Variants in DLG2 observed in about 807,000 individuals in gnomAD.
DLG2 encodes the protein disks large homolog 2.
In DLG2, 45 loss-of-function variants were observed where a neutral mutation model predicts 132.5. The observed-to-expected ratio is 0.34, with a 90% confidence interval of 0.27 to 0.44. The LOEUF (loss-of-function observed/expected upper bound fraction) is 0.44, where lower values mean the gene tolerates loss of function less well. Among genes scored for constraint, DLG2 ranks in the 20% least tolerant of loss-of-function variants. The pLI is 1.00. For synonymous variants in DLG2, 424 were observed against 419.6 expected (o/e 1.01, Z -0.13); for missense variants, 1,045 against 1,196.9 (o/e 0.87, Z 1.87).
At chr11:85,025,909 C>A (rs1021206349) in intron 6 of DLG2, among the ~76,000 whole-genome samples, 1 of 151,924 alleles carries the variant, frequency 6.6e-6, no homozygotes, top group African/African-American at 2.4e-5. Context: ...TTTAGATACA[C>A]ATGATTATCT....
chr11:84,466,450 C>T (rs923344010), intron 7 of DLG2, among the ~76,000 whole-genome samples: 6 of 151,206 alleles, frequency 4.0e-5, no homozygotes, highest in East Asian at 2.0e-4. Context: ...GCAAGAAAAC[C>T]GCTAAAAGCC....
intron 4 of DLG2, among the ~76,000 whole-genome samples, chr11:85,258,803 G>A (rs569250857): frequency 1.3e-5 from 2 of 152,236 alleles, no homozygotes; most frequent in South Asian, 4.2e-4. Context: ...TGTAGGAGAG[G>A]GGAGGCTCAA....
intron 18 of DLG2, among the ~76,000 whole-genome samples, chr11:83,695,049 T>C (rs899966736): frequency 1.3e-5 from 2 of 152,244 alleles, no homozygotes; most frequent in African/African-American, 4.8e-5. Flanking sequence ...GTAAGGCATT[T>C]TCAAGAGCTG....
chr11:84,741,652 T>C (rs1422788517), intron 6 of DLG2, among the ~76,000 whole-genome samples: 1 of 149,452 alleles, frequency 6.7e-6, no homozygotes, highest in Non-Finnish European at 1.5e-5. Flanking sequence ...CAACACCTCG[T>C]CTAAATGAAT....
chr11:84,827,804 A>T (rs2078532208), intron 6 of DLG2, among the ~76,000 whole-genome samples: 1 of 151,614 alleles, frequency 6.6e-6, no homozygotes, highest in South Asian at 2.1e-4. Context: ...TTCCAACGAC[A>T]TGGATGAAAC....
intron 16 of DLG2, among the ~76,000 whole-genome samples, chr11:83,855,596 C>T (rs116581511): frequency 0.013 from 1,978 of 152,260 alleles, 56 homozygotes; most frequent in African/African-American, 0.044. Flanking sequence ...ATTATTCCAA[C>T]TATCTGATAC....
chr11:83,970,063 A>G (rs2091023857), intron 12 of DLG2, among the ~76,000 whole-genome samples: 1 of 152,206 alleles, frequency 6.6e-6, no homozygotes, highest in African/African-American at 2.4e-5. Flanking sequence ...TGAGAAGTCA[A>G]TAATAATTAA....
chr11:85,100,995 G>A (rs2070759965), intron 6 of DLG2, among the ~76,000 whole-genome samples: 2 of 152,108 alleles, frequency 1.3e-5, no homozygotes, highest in Admixed American at 1.3e-4. Flanking sequence ...CTCCAAAACA[G>A]CTTTAGAAAT....
At chr11:84,661,228 C>A (rs562823987) in intron 6 of DLG2, among the ~76,000 whole-genome samples, 4 of 152,180 alleles carry the variant, frequency 2.6e-5, no homozygotes, top group African/African-American at 9.6e-5. Flanking sequence ...ACTGCATGGT[C>A]TAGAGATGTT....
chr11:84,316,029 G>T (rs1334744107), intron 7 of DLG2, among the ~76,000 whole-genome samples: 2 of 152,016 alleles, frequency 1.3e-5, no homozygotes, highest in East Asian at 1.9e-4. Context: ...TACAGCATTT[G>T]CAGGAAGTTA....
At position 83,600,236 on chromosome 11, in the gene DLG2, G is replaced by GGGGTGTGTGTGT. The variant is rs142616504; in HGVS notation, c.1940+32974_1940+32975insACACACACACCC. The stretch of plus-strand genomic sequence containing the variant: ...GATGAGTTCACACAGCTAGCTATAG[G>GGGGTGTGTGTGT]GTGTGTGTGTGTGTGTGTGTGTGTG... On this transcript the variant is annotated intron_variant, in intron 19 of 27. Coordinates refer to ENST00000376104, the MANE Select transcript of DLG2 (RefSeq NM_001142699.3). Among the ~76,000 whole-genome samples, 465 of 145,618 alleles carry GGGGTGTGTGTGT rather than the reference G, an allele frequency of 3.2e-3. 1 individual carries two copies. The highest frequency in any genetic ancestry group is 0.014 in the Middle Eastern group (4 of 292).
At chr11:84,190,489 A>T (rs1039334981) in intron 8 of DLG2, among the ~76,000 whole-genome samples, 9 of 152,198 alleles carry the variant, frequency 5.9e-5, no homozygotes, top group African/African-American at 2.2e-4. Context: ...TGTGTTGAAA[A>T]GTCAAATCAA....
At chr11:84,303,491 T>C (rs1243828431) in intron 7 of DLG2, among the ~76,000 whole-genome samples, 1 of 152,226 alleles carries the variant, frequency 6.6e-6, no homozygotes, top group African/African-American at 2.4e-5. Flanking sequence ...CAACAGAGTA[T>C]ACAGAAACTA....
intron 4 of DLG2, among the ~76,000 whole-genome samples, chr11:85,208,892 C>A (rs2082071037): frequency 6.6e-6 from 1 of 151,986 alleles, no homozygotes; most frequent in African/African-American, 2.4e-5. Flanking sequence ...GAGAAGGAGT[C>A]CTTCATTTGT....
intron 6 of DLG2, among the ~76,000 whole-genome samples, chr11:85,044,716 T>C (rs1393805638): frequency 6.6e-6 from 1 of 152,068 alleles, no homozygotes; most frequent in Admixed American, 6.6e-5. Flanking sequence ...CAACGTAATC[T>C]GTGTAACCCA....
At chr11:84,737,872 T>C (rs1341592453) in intron 6 of DLG2, among the ~76,000 whole-genome samples, 1 of 152,060 alleles carries the variant, frequency 6.6e-6, no homozygotes, top group Non-Finnish European at 1.5e-5. Flanking sequence ...TATACATAAC[T>C]GGATAAGTTG....
At chr11:85,446,518 G>C (rs1324774101) in intron 3 of DLG2, among the ~76,000 whole-genome samples, 3 of 152,068 alleles carry the variant, frequency 2.0e-5, no homozygotes, top group African/African-American at 7.2e-5. Context: ...TAAAATAATA[G>C]CTTCCATTTG....
chr11:84,093,383 C>A (rs1424140047), intron 10 of DLG2, among the ~76,000 whole-genome samples: 2 of 152,180 alleles, frequency 1.3e-5, no homozygotes, highest in Non-Finnish European at 2.9e-5. Context: ...TGGCCTCCTT[C>A]ATTTTCAATC....
chr11:85,495,014 T>A (rs780783583), intron 3 of DLG2, among the ~76,000 whole-genome samples: 1 of 152,042 alleles, frequency 6.6e-6, no homozygotes, highest in Non-Finnish European at 1.5e-5. Flanking sequence ...AAAGACAACC[T>A]GTTACAATAG....
Sources: gnomAD v4.1 joint callset for allele counts (sites outside exome capture counted in the v4.1 genomes callset) on GRCh38, gnomAD v4.1.1 for gene constraint, MANE v1.5 for transcripts, NCBI Gene and HGNC (gene_info 2026-07-23, HGNC 2026-07-21) for gene names.